The following DSCAM variants were observed in gnomAD, a reference collection of about 807,000 sequenced individuals.
The protein encoded by DSCAM is cell adhesion molecule DSCAM.
Under a neutral mutation model 217.7 loss-of-function variants are expected in DSCAM, and 47 were observed. That is an observed-to-expected ratio of 0.22 (90% CI 0.17 to 0.28). DSCAM has a LOEUF of 0.28. DSCAM is among the 10% of genes least tolerant of loss of function. DSCAM has a pLI of 1.00. For missense variants in DSCAM, 2,080 were observed against 2,618.3 expected, an observed-to-expected ratio of 0.79 and a Z score of 4.49; for synonymous variants, 1,056 against 1,015.3, an observed-to-expected ratio of 1.04 and a Z score of -0.76.
At chr21:40,115,007 G>A (rs1409925645) in intron 20 of DSCAM, among the ~76,000 whole-genome samples, 2 of 152,170 alleles carry the variant, frequency 1.3e-5, no homozygotes, top group Admixed American at 6.5e-5. Context: ...TCAGTGTGGC[G>A]ATTCCTTGGG....
intron 20 of DSCAM, among the ~76,000 whole-genome samples, chr21:40,121,663 G>A (rs1184451496): frequency 2.1e-5 from 3 of 140,984 alleles, no homozygotes; most frequent in African/African-American, 8.0e-5. Context: ...TTTCTGGTGG[G>A]TTTGCTCTCA....
intron 1 of DSCAM, among the ~76,000 whole-genome samples, chr21:40,728,094 C>A (rs1601180581): frequency 6.6e-6 from 1 of 152,164 alleles, no homozygotes; most frequent in African/African-American, 2.4e-5. Flanking sequence ...TACTGCAGCG[C>A]CCCCTCCGAC....
chr21:40,441,970 A>C (rs1423151206), intron 3 of DSCAM, among the ~76,000 whole-genome samples: 1 of 152,150 alleles, frequency 6.6e-6, no homozygotes, highest in East Asian at 1.9e-4. Flanking sequence ...ATTTGTAAGA[A>C]ATCCACTTGT....
intron 1 of DSCAM, among the ~76,000 whole-genome samples, chr21:40,729,957 A>T (rs1030548058): frequency 2.0e-5 from 3 of 152,222 alleles, no homozygotes; most frequent in Non-Finnish European, 4.4e-5. Context: ...AACGTCTCTG[A>T]AAAGAGAAGA....
chr21:40,309,160 C>T (rs980878181), intron 9 of DSCAM, among the ~76,000 whole-genome samples: 1 of 152,160 alleles, frequency 6.6e-6, no homozygotes, highest in African/African-American at 2.4e-5. Flanking sequence ...TTACTGCCTC[C>T]TGTGATAGCA....
At chr21:40,830,967 T>C (rs1481021395) in intron 1 of DSCAM, among the ~76,000 whole-genome samples, 1 of 152,174 alleles carries the variant, frequency 6.6e-6, no homozygotes, top group Non-Finnish European at 1.5e-5. Flanking sequence ...AGGTGGCTGA[T>C]TGGACAGGAT....
intron 1 of DSCAM, among the ~76,000 whole-genome samples, chr21:40,709,758 G>T (rs551188112): frequency 1.3e-5 from 2 of 152,280 alleles, no homozygotes; most frequent in South Asian, 4.1e-4. Flanking sequence ...ATTTGGGTTG[G>T]TTCCAAGTCT....
chr21:40,338,246 G>C lies in DSCAM; in HGVS notation c.1638C>G (p.Phe546Leu), dbSNP rs2074449567. The change falls in exon 8 of 33, where the codon TTC becomes TTG. Residue 546 changes from phenylalanine to leucine, a missense_variant. Phe to Leu is a conservative substitution (Grantham distance 22). Transcript: ENST00000400454. ...KWYKNSNLLP[F>L]NHRQVAFENN... ...TCTCAAATGCCACTTGGCGGTGGTT[G>C]AAAGGAAGCAGGTTAGAGTTCTTGT... The C allele has an allele frequency of 6.2e-7, 1 of 1,614,154 alleles. No individual in the cohort carries two copies. The highest frequency in any genetic ancestry group is 8.5e-7 in the Non-Finnish European group (1 of 1,180,054).
intron 11 of DSCAM, among the ~76,000 whole-genome samples, chr21:40,260,745 C>G (rs941065279): frequency 1.3e-5 from 2 of 152,150 alleles, no homozygotes; most frequent in Non-Finnish European, 2.9e-5. Context: ...GGTCTAGTGG[C>G]CCTTGATGAA....
intron 1 of DSCAM, among the ~76,000 whole-genome samples, chr21:40,729,144 C>G (rs2090986973): frequency 6.6e-6 from 1 of 152,226 alleles, no homozygotes; most frequent in Non-Finnish European, 1.5e-5. Context: ...GCTAAGTAAT[C>G]TAAATACAAA....
intron 1 of DSCAM, among the ~76,000 whole-genome samples, chr21:40,716,093 G>A (rs1276726309): frequency 6.6e-6 from 1 of 152,018 alleles, no homozygotes; most frequent in Admixed American, 6.6e-5. Context: ...GACCTATGGG[G>A]GATTACTGTC....
At chr21:40,840,702 G>C (rs544446536) in intron 1 of DSCAM, among the ~76,000 whole-genome samples, 1 of 152,120 alleles carries the variant, frequency 6.6e-6, no homozygotes, top group African/African-American at 2.4e-5. Flanking sequence ...CATTTCTACC[G>C]TGATTGAGTC....
chr21:40,764,662 G>A (rs2091369242), intron 1 of DSCAM, among the ~76,000 whole-genome samples: 1 of 152,128 alleles, frequency 6.6e-6, no homozygotes, highest in Non-Finnish European at 1.5e-5. Flanking sequence ...TATGTTTATT[G>A]CTGCATTATT....
intron 3 of DSCAM, among the ~76,000 whole-genome samples, chr21:40,577,334 C>A (rs1486486079): frequency 6.6e-6 from 1 of 151,774 alleles, no homozygotes; most frequent in Non-Finnish European, 1.5e-5. Context: ...ACCTACCTGA[C>A]CCCGGGGTGA....
At chr21:40,586,344 T>C (rs1012735851) in intron 3 of DSCAM, among the ~76,000 whole-genome samples, 1 of 152,164 alleles carries the variant, frequency 6.6e-6, no homozygotes, top group Non-Finnish European at 1.5e-5. Flanking sequence ...TCTCACGTAA[T>C]CCTTTACAGC....
rs1004278900 is a variant in DSCAM, at chr21:40,465,272, G to A, written c.509-96027C>T. On this transcript the variant is annotated intron_variant, in intron 3 of 32. Coordinates refer to ENST00000400454, the MANE Select transcript of DSCAM (RefSeq NM_001389.5). ...GCACGAAACACATGAAATGCTTCTT[G>A]GCCTCCTTTGCACCTGCTTTTCTCT... 8.6e-5 allele frequency among the ~76,000 whole-genome samples: 13 copies of A among 151,994 alleles called. 1 individual carries two copies. The highest frequency in any genetic ancestry group is 4.2e-4 in the South Asian group (2 of 4,814).
Position 40,498,779 on chromosome 21 carries a change from GTGTATA to G in DSCAM, c.509-129540_509-129535del, listed in dbSNP as rs376821486. Among the ~76,000 whole-genome samples, 338 of 70,016 alleles carry G rather than the reference GTGTATA, an allele frequency of 4.8e-3. 10 individuals carry two copies. The highest frequency in any genetic ancestry group is 0.01 in the South Asian group (16 of 1,582). The allele number at this position is 70,016 out of a possible 152,430, so 45.9% of individuals were successfully genotyped here. A position where few individuals can be genotyped will look rare whatever the true frequency, so the allele number is the denominator to read the frequency against. ...TATGGGTGTATATATATATATGGGT[GTGTATA>G]TATATATATATATATATATATATAT... is the stretch of plus-strand genomic sequence containing the variant. On this transcript the variant is annotated intron_variant, in intron 3 of 32. Transcript: ENST00000400454.
At chr21:40,687,863 T>A (rs974589770) in intron 3 of DSCAM, among the ~76,000 whole-genome samples, 2 of 152,046 alleles carry the variant, frequency 1.3e-5, no homozygotes, top group Admixed American at 1.3e-4. Flanking sequence ...TGCAGGGGCC[T>A]GGGGAGGGAG....
At chr21:40,165,819 G>A (rs1214185468) in intron 16 of DSCAM, among the ~76,000 whole-genome samples, 1 of 152,198 alleles carries the variant, frequency 6.6e-6, no homozygotes, top group Non-Finnish European at 1.5e-5. Flanking sequence ...AAGACAGAGT[G>A]AGTCAGCATT....
Sources: allele counts gnomAD v4.1 joint callset (sites outside exome capture counted in the v4.1 genomes callset), GRCh38; gene constraint gnomAD v4.1.1; transcripts MANE v1.5; gene names NCBI Gene and HGNC (gene_info 2026-07-23, HGNC 2026-07-21).